The following KCNB2 variants were observed in gnomAD, a reference collection of about 807,000 sequenced individuals.
KCNB2 encodes the protein potassium voltage-gated channel subfamily B member 2.
A neutral mutation model predicts 61.5 loss-of-function variants in KCNB2; 15 were observed. The observed-to-expected ratio is 0.24, with a 90% CI of 0.16 to 0.38. The LOEUF (loss-of-function observed/expected upper bound fraction) is 0.38, where lower values mean the gene tolerates loss of function less well. Among genes scored for constraint, KCNB2 ranks in the 10% least tolerant of loss-of-function variants. The probability of loss-of-function intolerance (pLI) is 1.00; values close to 1 mark genes in which losing one functional copy is unlikely to be tolerated. For synonymous variants in KCNB2, 457 were observed against 446.0 expected (o/e 1.02, Z -0.31); for missense variants, 828 against 1,125.2 (o/e 0.74, Z 3.78).
At chr8:72,654,996 T>C (rs2128986754) in intron 2 of KCNB2, among the ~76,000 whole-genome samples, 1 of 152,248 alleles carries the variant, frequency 6.6e-6, no homozygotes, top group Admixed American at 6.6e-5. Context: ...CACTTGCACA[T>C]GTGTTTCATC....
chr8:72,924,926 G>A (rs982975818), intron 2 of KCNB2, among the ~76,000 whole-genome samples: 1 of 152,166 alleles, frequency 6.6e-6, no homozygotes, highest in Non-Finnish European at 1.5e-5. Flanking sequence ...CAAGCTCTCT[G>A]CAGTCACGGC....
intron 2 of KCNB2, among the ~76,000 whole-genome samples, chr8:72,651,727 C>T (rs72668168): frequency 0.06 from 9,068 of 152,122 alleles, 405 homozygotes; most frequent in African/African-American, 0.12. Flanking sequence ...ATCCAGTAAC[C>T]TTACACTATT....
rs140665161 is a variant in KCNB2 at position 72,540,005 on chromosome 8, C to T, written c.-94+2120C>T. ...TTTCTCAACTTAAGAGTGTGTCTGT[C>T]CACGTGTTTTATATACCTGCCTGCA... On this transcript the variant is annotated intron_variant, in intron 1 of 2. Coordinates refer to ENST00000523207, the MANE Select transcript of KCNB2 (RefSeq NM_004770.3). Among the ~76,000 whole-genome samples, 116 of 152,234 alleles carry T rather than the reference C, an allele frequency of 7.6e-4. 3 individuals carry two copies. The highest frequency in any genetic ancestry group is 2.7e-3 in the African/African-American group (111 of 41,558).
At chr8:72,907,608 A>AGACATATTT (rs1482106038) in intron 2 of KCNB2, among the ~76,000 whole-genome samples, 1 of 152,200 alleles carries the variant, frequency 6.6e-6, no homozygotes, top group Admixed American at 6.5e-5. Context: ...AGGAATACAG[A>AGACATATTT]GACATATTTG....
intron 2 of KCNB2, among the ~76,000 whole-genome samples, chr8:72,884,958 T>A (rs2129005384): frequency 6.6e-6 from 1 of 152,338 alleles, no homozygotes; most frequent in South Asian, 2.1e-4. Flanking sequence ...CAATTGGAAT[T>A]ACAGTTATAG....
intron 2 of KCNB2, among the ~76,000 whole-genome samples, chr8:72,636,357 A>C (rs1186776969): frequency 6.6e-6 from 1 of 152,200 alleles, no homozygotes; most frequent in African/African-American, 2.4e-5. Flanking sequence ...AACTGATAGC[A>C]AGCAAACTAG....
At chr8:72,743,250 A>G (rs1807997059) in intron 2 of KCNB2, among the ~76,000 whole-genome samples, 1 of 152,230 alleles carries the variant, frequency 6.6e-6, no homozygotes, top group South Asian at 2.1e-4. Flanking sequence ...AAACATTAAG[A>G]CAATTCCTTA....
intron 2 of KCNB2, among the ~76,000 whole-genome samples, chr8:72,602,449 A>G (rs868340969): frequency 7.9e-5 from 12 of 152,256 alleles, no homozygotes; most frequent in Middle Eastern, 6.8e-3. Flanking sequence ...TTTAGTTTCT[A>G]TCATTCTTAT....
intron 2 of KCNB2, among the ~76,000 whole-genome samples, chr8:72,692,752 A>C (rs1294349402): frequency 6.7e-6 from 1 of 149,616 alleles, no homozygotes; most frequent in East Asian, 1.9e-4. Flanking sequence ...TAAATATTTT[A>C]TTATTCATTA....
intron 2 of KCNB2, among the ~76,000 whole-genome samples, chr8:72,758,633 T>G (rs2128996268): frequency 6.6e-6 from 1 of 152,360 alleles, no homozygotes; most frequent in East Asian, 1.9e-4. Flanking sequence ...CCTCTGAGTC[T>G]TCATTTCCAT....
chr8:72,585,703 T>C (rs1448798907), intron 2 of KCNB2, among the ~76,000 whole-genome samples: 1 of 152,084 alleles, frequency 6.6e-6, no homozygotes, highest in Non-Finnish European at 1.5e-5. Context: ...ATATCAATGA[T>C]GGAAAAAAGA....
chr8:72,716,690 A>G (rs1328520477), intron 2 of KCNB2, among the ~76,000 whole-genome samples: 15 of 152,072 alleles, frequency 9.9e-5, no homozygotes, highest in Admixed American at 6.6e-5. Flanking sequence ...TCTATGACAA[A>G]CCCACAGCCA....
chr8:72,740,099 G>A (rs1807924316), intron 2 of KCNB2, among the ~76,000 whole-genome samples: 1 of 152,186 alleles, frequency 6.6e-6, no homozygotes, highest in Non-Finnish European at 1.5e-5. Flanking sequence ...GTGAACGTAT[G>A]TGTTGTATCT....
At chr8:72,841,724 GC>G (rs1809891372) in intron 2 of KCNB2, among the ~76,000 whole-genome samples, 1 of 148,426 alleles carries the variant, frequency 6.7e-6, no homozygotes, top group African/African-American at 2.5e-5. Context: ...TCATGATTTG[GC>G]TGTCTGTCTA....
chr8:72,855,565 AT>A (rs1431362022), intron 2 of KCNB2, among the ~76,000 whole-genome samples: 1 of 152,148 alleles, frequency 6.6e-6, no homozygotes, highest in Non-Finnish European at 1.5e-5. Context: ...TTTCCATATT[AT>A]TAAGCTTATT....
rs185745814 is a variant in KCNB2, at chr8:72,719,154, T to C, written c.579+150841T>C. On this transcript the variant is annotated intron_variant, in intron 2 of 2. Coordinates refer to ENST00000523207, the MANE Select transcript of KCNB2 (RefSeq NM_004770.3). Reference sequence around the variant, plus strand: ...GTTAGACCTGGAATCAAGTCTAACCTTGCAATGGGAATACATGGAATATTC... The same window carrying C: ...GTTAGACCTGGAATCAAGTCTAACCCTGCAATGGGAATACATGGAATATTC... Among the ~76,000 whole-genome samples, 726 of 152,230 alleles carry C rather than the reference T, an allele frequency of 4.8e-3. 4 individuals are homozygous for C. The highest frequency in any genetic ancestry group is 0.017 in the African/African-American group (698 of 41,546).
chr8:72,666,036 T>C (rs1466168937), intron 2 of KCNB2, among the ~76,000 whole-genome samples: 1 of 152,282 alleles, frequency 6.6e-6, no homozygotes, highest in Non-Finnish European at 1.5e-5. Flanking sequence ...ACAGCTCCAC[T>C]ACTATGACCA....
intron 2 of KCNB2, among the ~76,000 whole-genome samples, chr8:72,698,578 A>T (rs1179157625): frequency 6.6e-6 from 1 of 152,212 alleles, no homozygotes; most frequent in Non-Finnish European, 1.5e-5. Context: ...CAAAAAGAAC[A>T]AATCCAGAGA....
At chr8:72,725,579 A>ATG (rs1807629283) in intron 2 of KCNB2, among the ~76,000 whole-genome samples, 1 of 72,662 alleles carries the variant, frequency 1.4e-5, no homozygotes, top group African/African-American at 6.4e-5. Context: ...ATATATGTAT[A>ATG]TATATATGTA....
Sources: gnomAD v4.1 joint callset for allele counts (sites outside exome capture counted in the v4.1 genomes callset) on GRCh38, gnomAD v4.1.1 for gene constraint, MANE v1.5 for transcripts, NCBI Gene and HGNC (gene_info 2026-07-23, HGNC 2026-07-21) for gene names.